The following FMNL2 variants were observed in gnomAD, a reference collection of about 807,000 sequenced individuals.
FMNL2 encodes formin like 2.
Under a neutral mutation model 130.2 loss-of-function variants are expected in FMNL2, and 51 were observed. The observed-to-expected ratio is 0.39, with a 90% CI of 0.31 to 0.49. The LOEUF is 0.49. Ranked by LOEUF, FMNL2 falls within the 20% of genes least tolerant of loss-of-function variation. FMNL2 has a pLI of 0.85. For missense variants in FMNL2, 977 were observed against 1,316.2 expected (o/e 0.74, Z 3.99); for synonymous variants, 465 against 467.1 (o/e 1.00, Z 0.06).
intron 1 of FMNL2, among the ~76,000 whole-genome samples, chr2:152,355,071 A>G (rs1210533242): frequency 1.3e-5 from 2 of 152,236 alleles, no homozygotes; most frequent in Non-Finnish European, 2.9e-5. Flanking sequence ...ATATGGTACA[A>G]AAATAATAGC....
chr2:152,386,630 A>G (rs1365460639), intron 1 of FMNL2, among the ~76,000 whole-genome samples: 5 of 151,704 alleles, frequency 3.3e-5, no homozygotes, highest in African/African-American at 1.2e-4. Flanking sequence ...TTTTCCCTCT[A>G]GGACTTTCAT....
At chr2:152,574,196 G>A (rs1025819514) in intron 6 of FMNL2, among the ~76,000 whole-genome samples, 1 of 152,306 alleles carries the variant, frequency 6.6e-6, no homozygotes, top group East Asian at 1.9e-4. Flanking sequence ...CCAGCACTTC[G>A]GGAGGCCGAG....
At chr2:152,429,522 T>C (rs2106081997) in intron 1 of FMNL2, among the ~76,000 whole-genome samples, 1 of 152,334 alleles carries the variant, frequency 6.6e-6, no homozygotes, top group Non-Finnish European at 1.5e-5. Flanking sequence ...GTGCCAGCTA[T>C]TGCTGACTTG....
chr2:152,542,828 G>C lies in FMNL2; in HGVS notation c.282+9G>C, dbSNP rs779575602. The C allele has an allele frequency of 2.5e-6, 4 of 1,613,388 alleles. No homozygotes were observed. Among genetic ancestry groups the C allele is most frequent in the Non-Finnish European group, 3.4e-6 (4 of 1,179,520 alleles). On this transcript the variant is annotated intron_variant, in intron 3 of 25. Coordinates refer to ENST00000288670, the MANE Select transcript of FMNL2 (RefSeq NM_052905.4). ...CAGCTGTAACCAGGAAGGTAAGATG[G>C]ATTTGTTTCCACTCTTTGTTATTGC...
intron 10 of FMNL2, among the ~76,000 whole-genome samples, chr2:152,609,529 A>G (rs1010353332): frequency 1.3e-5 from 2 of 152,344 alleles, no homozygotes; most frequent in South Asian, 2.1e-4. Context: ...AAAGAAAACA[A>G]AAACCATTTT....
intron 1 of FMNL2, among the ~76,000 whole-genome samples, chr2:152,487,503 G>A (rs533517611): frequency 1.3e-5 from 2 of 152,230 alleles, no homozygotes; most frequent in East Asian, 1.9e-4. Flanking sequence ...TGATATCGGC[G>A]AAAACTAAAA....
At chr2:152,523,527 A>G (rs1232182027) in intron 2 of FMNL2, among the ~76,000 whole-genome samples, 1 of 152,252 alleles carries the variant, frequency 6.6e-6, no homozygotes, top group Non-Finnish European at 1.5e-5. Flanking sequence ...TGAACAAGAT[A>G]TATTTAAATA....
rs1367700052 is a variant in FMNL2, at chr2:152,636,509, C to G, written c.2763C>G (p.Asp921Glu). ...CCAAGAGAGAGTACACCATGCATGA[C>G]CATAACACGCTGCTGAAGGAGTTCA... ...DLTKREYTMH[D>E]HNTLLKEFIL... Residue 921 changes from aspartate (D) to glutamate (E), a missense_variant, in exon 22 of 26, where the codon GAC becomes GAG. Transcript: ENST00000288670. 1.2e-6 allele frequency: 2 copies of G among 1,606,644 alleles called. No homozygotes were observed. The highest frequency in any genetic ancestry group is 1.7e-6 in the Non-Finnish European group (2 of 1,176,250).
chr2:152,547,008 C>T (rs754476627), intron 3 of FMNL2, among the ~76,000 whole-genome samples: 1 of 151,318 alleles, frequency 6.6e-6, no homozygotes, highest in Non-Finnish European at 1.5e-5. Context: ...TGCAGTGGCC[C>T]GATTTCGGCT....
At chr2:152,501,675 T>C (rs1272323001) in intron 1 of FMNL2, among the ~76,000 whole-genome samples, 2 of 152,178 alleles carry the variant, frequency 1.3e-5, no homozygotes, top group Non-Finnish European at 2.9e-5. Flanking sequence ...AGTAAAGATA[T>C]TCTGTTTCCA....
rs553533366 is a variant in FMNL2, at chr2:152,439,414, T to C, written c.118-82529T>C. Among the ~76,000 whole-genome samples the C allele has an allele frequency of 4.6e-5, 7 of 152,278 alleles. No homozygotes were observed. In the South Asian group the frequency reaches 1.5e-3, roughly 32 times the overall value. On this transcript the variant is annotated intron_variant, in intron 1 of 25. Coordinates refer to ENST00000288670, the MANE Select transcript of FMNL2 (RefSeq NM_052905.4). ...TGGATATGTGTGTGTTTTGGTTTTT[T>C]AATCAAGCCAGGTTTCATTTTCTTA... is the stretch of plus-strand genomic sequence containing the variant.
chr2:152,581,924 G>C (rs10497108), intron 9 of FMNL2, among the ~76,000 whole-genome samples: 24,872 of 152,084 alleles, frequency 0.16, 2,441 homozygotes, highest in African/African-American at 0.27. Flanking sequence ...AGGTCACAGA[G>C]GGACTGTTTT....
At chr2:152,416,128 A>G (rs976244458) in intron 1 of FMNL2, among the ~76,000 whole-genome samples, 3 of 151,516 alleles carry the variant, frequency 2.0e-5, no homozygotes, top group African/African-American at 7.3e-5. Context: ...ACTGGTGAGT[A>G]GAGGGATAGT....
chr2:152,355,703 A>G (rs1682742251), intron 1 of FMNL2, among the ~76,000 whole-genome samples: 2 of 152,196 alleles, frequency 1.3e-5, no homozygotes, highest in South Asian at 4.1e-4. Flanking sequence ...TGTCATAGTC[A>G]TAGTCCATCA....
chr2:152,389,698 G>A (rs764587768), intron 1 of FMNL2, among the ~76,000 whole-genome samples: 23 of 152,250 alleles, frequency 1.5e-4, no homozygotes, highest in Non-Finnish European at 2.1e-4. Context: ...GCAGGAGGAG[G>A]AGCGGTTCGA....
intron 15 of FMNL2, chr2:152,621,234 A>G: frequency 1.8e-5 from 13 of 741,822 alleles, no homozygotes; most frequent in Non-Finnish European, 2.1e-5. Context: ...TTTGTCTCTG[A>G]CAAACGCTGA....
At chr2:152,402,422 A>G (rs914245689) in intron 1 of FMNL2, among the ~76,000 whole-genome samples, 9 of 152,178 alleles carry the variant, frequency 5.9e-5, no homozygotes, top group Non-Finnish European at 8.8e-5. Context: ...GAAAGTGCCA[A>G]TTGGATCTCT....
At chr2:152,605,636 C>G (rs1344188374) in intron 9 of FMNL2, among the ~76,000 whole-genome samples, 1 of 152,128 alleles carries the variant, frequency 6.6e-6, no homozygotes, top group East Asian at 1.9e-4. Context: ...ATTTTAAAGA[C>G]TTTACTTTAG....
chr2:152,391,908 GTTT>G (rs10584642), intron 1 of FMNL2, among the ~76,000 whole-genome samples: 24 of 111,140 alleles, frequency 2.2e-4, no homozygotes, highest in African/African-American at 4.0e-4. Context: ...GCTAGAAGTT[GTTT>G]TTTTTTTTTT....
Sources: allele counts gnomAD v4.1 joint callset (sites outside exome capture counted in the v4.1 genomes callset), GRCh38; gene constraint gnomAD v4.1.1; transcripts MANE v1.5; gene names NCBI Gene and HGNC (gene_info 2026-07-23, HGNC 2026-07-21).